The following WWOX variants were observed in gnomAD, a reference collection of about 807,000 sequenced individuals.
WWOX encodes the protein WW domain-containing oxidoreductase.
In WWOX, 69 loss-of-function variants were observed where a neutral mutation model predicts 46.2. The observed-to-expected ratio is 1.49, with a 90% CI of 1.23 to 1.82. The LOEUF is 1.82. Ranked by LOEUF, WWOX falls within the 40% of genes most tolerant of loss-of-function variation. WWOX has a pLI of 0.00. For synonymous variants in WWOX, 359 were observed against 202.6 expected (o/e 1.77, Z -6.56); for missense variants, 919 against 542.6 (o/e 1.69, Z -6.89).
At chr16:78,522,877 G>C (rs1232168003) in intron 8 of WWOX, among the ~76,000 whole-genome samples, 1 of 152,172 alleles carries the variant, frequency 6.6e-6, no homozygotes, top group Non-Finnish European at 1.5e-5. Context: ...TTTGAGACCA[G>C]CCTGGCCAAC....
intron 8 of WWOX, among the ~76,000 whole-genome samples, chr16:79,084,825 A>G (rs1258236842): frequency 6.6e-6 from 1 of 152,252 alleles, no homozygotes; most frequent in Non-Finnish European, 1.5e-5. Flanking sequence ...ATAAAGTAGG[A>G]CATGTATTCA....
At chr16:78,619,355 C>G (rs1243979740) in intron 8 of WWOX, among the ~76,000 whole-genome samples, 2 of 70,568 alleles carry the variant, frequency 2.8e-5, no homozygotes, top group East Asian at 4.1e-4. Context: ...GAGCAAGACG[C>G]CATCTCAAAA....
At chr16:78,564,882 C>G (rs1567647936) in intron 8 of WWOX, among the ~76,000 whole-genome samples, 1 of 152,078 alleles carries the variant, frequency 6.6e-6, no homozygotes, top group Non-Finnish European at 1.5e-5. Flanking sequence ...TCTCCCCACT[C>G]TTGACTCTTC....
At chr16:78,722,432 A>C (rs754496390) in intron 8 of WWOX, among the ~76,000 whole-genome samples, 1 of 152,194 alleles carries the variant, frequency 6.6e-6, no homozygotes, top group Non-Finnish European at 1.5e-5. Flanking sequence ...GTATGAAATG[A>C]GCAGCAGTTG....
Position 78,568,624 on chromosome 16 carries a change from C to G in WWOX, c.1056+135872C>G, listed in dbSNP as rs140387312. On this transcript the variant is annotated intron_variant, in intron 8 of 8. Transcript: ENST00000566780. Reference sequence around the variant, plus strand: ...CCGAGTAGCTGGGATTACAGGCACCCGCCGCCACACCCAGCTGATTTTTGT... The same window carrying G: ...CCGAGTAGCTGGGATTACAGGCACCGGCCGCCACACCCAGCTGATTTTTGT... 1.3e-5 allele frequency among the ~76,000 whole-genome samples: 2 copies of G among 151,786 alleles called. 1 individual carries two copies. Among genetic ancestry groups the G allele is most frequent in the South Asian group, 4.2e-4 (2 of 4,806 alleles).
At chr16:78,629,135 A>C (rs1394122465) in intron 8 of WWOX, among the ~76,000 whole-genome samples, 1 of 152,222 alleles carries the variant, frequency 6.6e-6, no homozygotes. Flanking sequence ...AAACTTTTCA[A>C]AGGGCACCAC....
chr16:78,892,837 A>T (rs927814627), intron 8 of WWOX, among the ~76,000 whole-genome samples: 5 of 152,164 alleles, frequency 3.3e-5, no homozygotes, highest in African/African-American at 1.2e-4. Flanking sequence ...ATCCAATTGG[A>T]TTAAGGAACT....
intron 8 of WWOX, among the ~76,000 whole-genome samples, chr16:79,135,709 G>C (rs761289070): frequency 1.3e-5 from 2 of 152,162 alleles, no homozygotes; most frequent in Non-Finnish European, 2.9e-5. Context: ...GTAACACACA[G>C]ATGCTGATTT....
intron 8 of WWOX, among the ~76,000 whole-genome samples, chr16:78,517,088 TA>T (rs2043250127): frequency 6.6e-6 from 1 of 152,246 alleles, no homozygotes; most frequent in African/African-American, 2.4e-5. Flanking sequence ...ATGTGTTTTT[TA>T]TTTATGAAAT....
At chr16:79,151,683 A>T (rs1023449226) in intron 8 of WWOX, among the ~76,000 whole-genome samples, 1 of 65,036 alleles carries the variant, frequency 1.5e-5, no homozygotes, top group Non-Finnish European at 2.8e-5. Flanking sequence ...GGCAAGAAGT[A>T]AGTGGCCACC....
At chr16:78,104,632 G>A (rs73562747) in intron 1 of WWOX, among the ~76,000 whole-genome samples, 2,868 of 152,182 alleles carry the variant, frequency 0.019, 100 homozygotes, top group African/African-American at 0.065. Context: ...TGACAAGCTC[G>A]TTGAAAGAAT....
chr16:78,794,524 C>T lies in WWOX; in HGVS notation c.1056+361772C>T, dbSNP rs547045276. On this transcript the variant is annotated intron_variant, in intron 8 of 8. Coordinates refer to ENST00000566780, the MANE Select transcript of WWOX (RefSeq NM_016373.4). ...CAAACTCTCTGAATACCAATTTTCT[C>T]ATCCAAAAAAATGGGTGAATAATAT... Among the ~76,000 whole-genome samples the T allele has an allele frequency of 2.6e-5, 4 of 152,268 alleles. No homozygotes were observed. In the South Asian group the frequency reaches 6.2e-4, roughly 24 times the overall value.
intron 8 of WWOX, chr16:79,204,660 C>T (rs34452264): frequency 0.12 from 18,723 of 152,154 alleles, 1,206 homozygotes; most frequent in Middle Eastern, 0.2. Flanking sequence ...GCCCTGAGAG[C>T]GTACCAAGGT....
At chr16:79,157,865 A>G (rs1461591717) in intron 8 of WWOX, among the ~76,000 whole-genome samples, 1 of 152,150 alleles carries the variant, frequency 6.6e-6, no homozygotes, top group Admixed American at 6.5e-5. Flanking sequence ...CTAGGGTTTG[A>G]GTAAGTTCAG....
intron 8 of WWOX, among the ~76,000 whole-genome samples, chr16:78,843,940 A>G (rs2052229544): frequency 6.6e-6 from 1 of 152,168 alleles, no homozygotes; most frequent in Non-Finnish European, 1.5e-5. Flanking sequence ...CAACACCGAA[A>G]AGCGTAATTA....
At chr16:78,144,472 T>TATATATATACAC (rs2034116078) in intron 4 of WWOX, among the ~76,000 whole-genome samples, 2 of 30,506 alleles carry the variant, frequency 6.6e-5, no homozygotes, top group African/African-American at 1.5e-4. Context: ...TACACACATA[T>TATATATATACAC]ATATATATAT....
intron 8 of WWOX, among the ~76,000 whole-genome samples, chr16:78,969,959 C>G (rs3933092): frequency 7.8e-4 from 118 of 152,244 alleles, no homozygotes; most frequent in African/African-American, 2.3e-3. Flanking sequence ...TTTGATTGTA[C>G]TAAAACTTTG....
intron 5 of WWOX, among the ~76,000 whole-genome samples, chr16:78,326,590 G>GCCC (rs1188089820): frequency 4.2e-5 from 1 of 23,654 alleles, no homozygotes; most frequent in Non-Finnish European, 6.9e-5. Context: ...CCCCCCCCCC[G>GCCC]CAATGCCTCA....
At chr16:78,443,917 C>A (rs1014895944) in intron 8 of WWOX, among the ~76,000 whole-genome samples, 3 of 152,124 alleles carry the variant, frequency 2.0e-5, no homozygotes, top group Admixed American at 2.0e-4. Flanking sequence ...TGGAGGCCAG[C>A]GTGATTAAAC....
Sources: allele counts gnomAD v4.1 joint callset (sites outside exome capture counted in the v4.1 genomes callset), GRCh38; gene constraint gnomAD v4.1.1; transcripts MANE v1.5; gene names NCBI Gene and HGNC (gene_info 2026-07-23, HGNC 2026-07-21).